The following CDH13 variants were observed in gnomAD, a reference collection of about 807,000 sequenced individuals.
The protein encoded by CDH13 is cadherin 13, also known as cadherin-13.
Under a neutral mutation model 63.8 loss-of-function variants are expected in CDH13, and 24 were observed. The ratio of observed to expected loss-of-function variants is 0.38; its 90% CI spans 0.27 to 0.53. The LOEUF (loss-of-function observed/expected upper bound fraction) is 0.53, where lower values mean the gene tolerates loss of function less well. Ranked by LOEUF, CDH13 falls within the 20% of genes least tolerant of loss-of-function variation. The pLI, the probability that CDH13 is intolerant of heterozygous loss-of-function variation, is 0.85. For synonymous variants in CDH13, 503 were observed against 355.3 expected (o/e 1.42, Z -4.67); for missense variants, 1,049 against 903.1 (o/e 1.16, Z -2.07).
chr16:83,658,225 CATATCCTCACCA>C (rs1913069548), intron 8 of CDH13, among the ~76,000 whole-genome samples: 3 of 141,948 alleles, frequency 2.1e-5, no homozygotes, highest in African/African-American at 7.8e-5. Flanking sequence ...CACCAGGTCC[CATATCCTCACCA>C]GCAAGGTCCC....
At position 82,701,158 on chromosome 16, in the gene CDH13, C is replaced by G. The variant is rs568334291; in HGVS notation, c.45+74021C>G. Among the ~76,000 whole-genome samples the G allele has an allele frequency of 1.1e-4, 17 of 152,030 alleles. No individual in the cohort carries two copies. The East Asian group carries it at 3.3e-3, about 29-fold the overall frequency. Reference sequence around the variant, plus strand: ...CTTCTGAGTAATTTTTTATTTCTTTCTCTTCCTCACCTTCTACTAATATTA... The same window carrying G: ...CTTCTGAGTAATTTTTTATTTCTTTGTCTTCCTCACCTTCTACTAATATTA... On this transcript the variant is annotated intron_variant, in intron 1 of 13. Transcript: ENST00000567109.
Position 83,224,023 on chromosome 16 carries a change from T to C in CDH13, c.636+6526T>C, listed in dbSNP as rs147686520. Among the ~76,000 whole-genome samples, 14 of 152,310 alleles carry C rather than the reference T, an allele frequency of 9.2e-5. 1 individual carries two copies. Among genetic ancestry groups the C allele is most frequent in the African/African-American group, 3.4e-4 (14 of 41,580 alleles). On this transcript the variant is annotated intron_variant, in intron 5 of 13. Transcript: ENST00000567109. ...CCCCTTGCCAAGTCCCCAAAGTCCA[T>C]TGTATCATTCTTTTGCCTTTGCATC...
chr16:82,732,073 C>T (rs11648238), intron 1 of CDH13, among the ~76,000 whole-genome samples: 31,430 of 152,052 alleles, frequency 0.21, 3,931 homozygotes, highest in South Asian at 0.34. Flanking sequence ...GAGTTCTTCC[C>T]TTTATGCACA....
intron 6 of CDH13, among the ~76,000 whole-genome samples, chr16:83,350,776 G>C (rs1270152236): frequency 1.3e-5 from 2 of 152,194 alleles, no homozygotes; most frequent in South Asian, 4.1e-4. Context: ...GCCAAACCTA[G>C]TCTTGTAGTG....
At chr16:83,258,269 C>G (rs1214623237) in intron 5 of CDH13, among the ~76,000 whole-genome samples, 1 of 152,174 alleles carries the variant, frequency 6.6e-6, no homozygotes, top group African/African-American at 2.4e-5. Flanking sequence ...TATTTTCAGG[C>G]AAATGTGCCA....
At chr16:83,201,403 C>A (rs1367188248) in intron 4 of CDH13, among the ~76,000 whole-genome samples, 1 of 149,754 alleles carries the variant, frequency 6.7e-6, no homozygotes, top group African/African-American at 2.6e-5. Context: ...GCACTACTTT[C>A]TTTCAATAAG....
intron 4 of CDH13, among the ~76,000 whole-genome samples, chr16:83,147,621 G>A (rs894515767): frequency 6.6e-6 from 1 of 152,042 alleles, no homozygotes; most frequent in South Asian, 2.1e-4. Flanking sequence ...TTTTCTTCGG[G>A]TCCTTTCCAG....
chr16:82,810,824 C>T (rs11861689), intron 1 of CDH13, among the ~76,000 whole-genome samples: 24,899 of 151,814 alleles, frequency 0.16, 2,826 homozygotes, highest in East Asian at 0.62. Context: ...ATTTTGCTTT[C>T]ATCCTAAGAA....
At chr16:83,465,692 A>G (rs1306397731) in intron 6 of CDH13, among the ~76,000 whole-genome samples, 1 of 152,180 alleles carries the variant, frequency 6.6e-6, no homozygotes, top group African/African-American at 2.4e-5. Flanking sequence ...GAGACAATTG[A>G]TGGTCTGTGC....
intron 2 of CDH13, among the ~76,000 whole-genome samples, chr16:82,982,525 G>T (rs1008206583): frequency 1.3e-5 from 2 of 152,136 alleles, no homozygotes; most frequent in Non-Finnish European, 2.9e-5. Context: ...ATTCCTCCAT[G>T]TTCAAAGCTG....
chr16:83,037,706 A>G (rs1037596812), intron 3 of CDH13, among the ~76,000 whole-genome samples: 1 of 152,182 alleles, frequency 6.6e-6, no homozygotes, highest in Admixed American at 6.5e-5. Context: ...TAGAGTACAA[A>G]TTTGAAGGAA....
At chr16:83,723,631 G>A (rs1207362753) in intron 10 of CDH13, among the ~76,000 whole-genome samples, 4 of 152,170 alleles carry the variant, frequency 2.6e-5, no homozygotes, top group African/African-American at 9.7e-5. Flanking sequence ...TCCCTGTACT[G>A]TTGCCCAATG....
chr16:82,856,384 AAAAAAG>A (rs1481715862), intron 1 of CDH13, among the ~76,000 whole-genome samples: 25,536 of 121,160 alleles, frequency 0.21, 2,428 homozygotes, highest in Non-Finnish European at 0.27. Context: ...CAAAAAAAAA[AAAAAAG>A]AAAAGAAAAG....
rs1362535132 is a variant in CDH13 at position 83,795,770 on chromosome 16, C to G, written c.*740C>G. The G allele has an allele frequency of 2.0e-5, 3 of 152,584 alleles. No homozygotes were observed. The highest frequency in any genetic ancestry group is 1.3e-4 in the Admixed American group (2 of 15,282). 9.5% of individuals were successfully genotyped at this position (152,584 alleles called of 1,614,324 possible). On this transcript the variant is annotated 3_prime_UTR_variant, in exon 14 of 14. Transcript: ENST00000567109. ...AGGAGCAGAGCAGGCAATTTCACCA[C>G]CAAATGCCAAGAAAAGGGCTGACAT...
At chr16:83,449,317 C>T (rs919459725) in intron 6 of CDH13, among the ~76,000 whole-genome samples, 1 of 152,084 alleles carries the variant, frequency 6.6e-6, no homozygotes, top group African/African-American at 2.4e-5. Context: ...TGGTAAAGAT[C>T]TCATGGTACC....
intron 7 of CDH13, among the ~76,000 whole-genome samples, chr16:83,505,832 A>G (rs1296856113): frequency 2.0e-5 from 3 of 152,198 alleles, no homozygotes; most frequent in Non-Finnish European, 2.9e-5. Flanking sequence ...AAAGAGATCC[A>G]GGAAGCAGAT....
chr16:83,724,019 G>T (rs544903375), intron 10 of CDH13, among the ~76,000 whole-genome samples: 1 of 152,258 alleles, frequency 6.6e-6, no homozygotes, highest in Non-Finnish European at 1.5e-5. Context: ...TGAATGCATG[G>T]GTGGGTGATG....
chr16:83,263,569 A>G (rs554195793), intron 5 of CDH13, among the ~76,000 whole-genome samples: 1 of 151,902 alleles, frequency 6.6e-6, no homozygotes, highest in South Asian at 2.1e-4. Flanking sequence ...GGTTTGATAT[A>G]AAAAAAACAA....
At chr16:83,058,214 A>T (rs2031152350) in intron 3 of CDH13, among the ~76,000 whole-genome samples, 1 of 151,962 alleles carries the variant, frequency 6.6e-6, no homozygotes, top group South Asian at 2.1e-4. Flanking sequence ...GTGAGGGGAG[A>T]TGGCAGAACT....
Sources: gnomAD v4.1 joint callset for allele counts (sites outside exome capture counted in the v4.1 genomes callset) on GRCh38, gnomAD v4.1.1 for gene constraint, MANE v1.5 for transcripts, NCBI Gene and HGNC (gene_info 2026-07-23, HGNC 2026-07-21) for gene names.